IMMP2L: variants seen among roughly 807,000 people sequenced by gnomAD.
IMMP2L encodes the protein mitochondrial inner membrane protease subunit 2.
IMMP2L carries 18 observed loss-of-function variants against 19.3 expected under a neutral mutation model. The observed-to-expected ratio is 0.93, with a 90% CI of 0.64 to 1.38. The LOEUF is 1.38. Among genes scored for constraint, IMMP2L ranks in the 40% most tolerant of loss-of-function variants. The pLI is 0.00. For synonymous variants in IMMP2L, 76 were observed against 73.0 expected, an observed-to-expected ratio of 1.04 and a Z score of -0.21; for missense variants, 233 against 218.2, an observed-to-expected ratio of 1.07 and a Z score of -0.43.
chr7:111,239,995 A>G (rs1814812957), intron 3 of IMMP2L, among the ~76,000 whole-genome samples: 1 of 151,990 alleles, frequency 6.6e-6, no homozygotes, highest in African/African-American at 2.4e-5. Context: ...AATAGATGCT[A>G]AAGTAATAAT....
intron 3 of IMMP2L, among the ~76,000 whole-genome samples, chr7:111,453,336 T>C (rs898158590): frequency 6.6e-6 from 1 of 152,160 alleles, no homozygotes. Context: ...TGTGTACATT[T>C]TCCTTGATGC....
chr7:110,836,215 C>T (rs1804457999), intron 5 of IMMP2L, among the ~76,000 whole-genome samples: 1 of 152,138 alleles, frequency 6.6e-6, no homozygotes, highest in Non-Finnish European at 1.5e-5. Context: ...TCTATCAACC[C>T]ACTCAATTCC....
chr7:111,388,114 A>C (rs1831971516), intron 3 of IMMP2L, among the ~76,000 whole-genome samples: 1 of 152,038 alleles, frequency 6.6e-6, no homozygotes, highest in African/African-American at 2.4e-5. Context: ...CTTTATATCT[A>C]AAAGAAAATA....
intron 3 of IMMP2L, among the ~76,000 whole-genome samples, chr7:111,005,116 C>T (rs902062491): frequency 2.0e-5 from 3 of 152,064 alleles, no homozygotes; most frequent in Admixed American, 1.3e-4. Context: ...AGAGCTTGTG[C>T]CTATATTCCT....
chr7:111,399,860 A>T lies in IMMP2L; in HGVS notation c.239+87378T>A, dbSNP rs1003480497. 7.2e-5 allele frequency among the ~76,000 whole-genome samples: 11 copies of T among 152,264 alleles called. 2 individuals are homozygous for T. The East Asian group carries it at 1.9e-3, about 27-fold the overall frequency. On this transcript the variant is annotated intron_variant, in intron 3 of 5. Coordinates refer to ENST00000405709, the MANE Select transcript of IMMP2L (RefSeq NM_032549.4). ...TCTCCTTGCTTCCCATGCTACCAGC[A>T]CTATAAAGTAAGAGAATCAACAAAA...
At chr7:110,880,495 A>G (rs1277493314) in intron 5 of IMMP2L, among the ~76,000 whole-genome samples, 2 of 152,130 alleles carry the variant, frequency 1.3e-5, no homozygotes, top group Admixed American at 6.6e-5. Context: ...ATAATTACCC[A>G]TCAAATATTT....
chr7:111,051,114 G>A (rs1265857651), intron 3 of IMMP2L, among the ~76,000 whole-genome samples: 2 of 152,150 alleles, frequency 1.3e-5, no homozygotes. Context: ...CTCCAGCCTG[G>A]TCAACAGAGT....
Position 111,322,124 on chromosome 7 carries a change from A to T in IMMP2L, c.239+165114T>A, listed in dbSNP as rs539783811. Among the ~76,000 whole-genome samples the T allele has an allele frequency of 7.9e-5, 12 of 151,972 alleles. 1 individual carries two copies. The highest frequency in any genetic ancestry group is 1.2e-4 in the Non-Finnish European group (8 of 67,930). On this transcript the variant is annotated intron_variant, in intron 3 of 5. Transcript: ENST00000405709. ...GCCAAGAGACATCCCTACAGTAATT[A>T]ATGTAAGATAACAGCTTTGAATTTA...
intron 4 of IMMP2L, among the ~76,000 whole-genome samples, chr7:110,929,543 G>A (rs62464015): frequency 0.11 from 16,387 of 152,062 alleles, 1,472 homozygotes; most frequent in African/African-American, 0.25. Context: ...TTCTGTTCAG[G>A]CTGTTTCTAT....
chr7:110,885,560 C>T (rs1197561811), intron 5 of IMMP2L, among the ~76,000 whole-genome samples: 1 of 151,840 alleles, frequency 6.6e-6, no homozygotes, highest in Non-Finnish European at 1.5e-5. Flanking sequence ...CACAAAATAC[C>T]AGTTTAGTCT....
intron 3 of IMMP2L, among the ~76,000 whole-genome samples, chr7:111,485,617 A>AAAAAAAAAAAAAAAAAAAAC (rs1563252461): frequency 2.0e-5 from 3 of 147,146 alleles, no homozygotes; most frequent in African/African-American, 7.9e-5. Flanking sequence ...AAAAAAAAAA[A>AAAAAAAAAAAAAAAAAAAAC]AAAAAAAACA....
intron 3 of IMMP2L, among the ~76,000 whole-genome samples, chr7:110,966,674 T>G (rs1447647749): frequency 6.6e-6 from 1 of 152,058 alleles, no homozygotes; most frequent in Non-Finnish European, 1.5e-5. Flanking sequence ...TAATGTAATA[T>G]TAAACTCATG....
chr7:111,232,407 A>G (rs1045975555), intron 3 of IMMP2L, among the ~76,000 whole-genome samples: 9 of 149,082 alleles, frequency 6.0e-5, no homozygotes, highest in Non-Finnish European at 1.0e-4. Flanking sequence ...ACATTTAGGT[A>G]TGTGTGAACT....
intron 5 of IMMP2L, among the ~76,000 whole-genome samples, chr7:110,746,605 A>C (rs968593095): frequency 6.6e-6 from 1 of 152,228 alleles, no homozygotes; most frequent in African/African-American, 2.4e-5. Flanking sequence ...AACTCACTCA[A>C]AACTGCACAA....
intron 3 of IMMP2L, among the ~76,000 whole-genome samples, chr7:110,989,055 G>C (rs1375120605): frequency 1.3e-5 from 2 of 152,042 alleles, no homozygotes; most frequent in Non-Finnish European, 2.9e-5. Context: ...GACCAACATG[G>C]AGAAACCTCA....
At chr7:111,023,442 T>C (rs998935528) in intron 3 of IMMP2L, among the ~76,000 whole-genome samples, 4 of 151,944 alleles carry the variant, frequency 2.6e-5, no homozygotes, top group Non-Finnish European at 4.4e-5. Context: ...GGCTCATGCC[T>C]GCAGTCCCAG....
chr7:110,923,777 A>G (rs1208357002), intron 4 of IMMP2L, among the ~76,000 whole-genome samples: 1 of 152,136 alleles, frequency 6.6e-6, no homozygotes, highest in Non-Finnish European at 1.5e-5. Flanking sequence ...CTTTTAAATT[A>G]GAGTATCACT....
At chr7:111,146,665 T>C (rs1026233641) in intron 3 of IMMP2L, among the ~76,000 whole-genome samples, 3 of 152,098 alleles carry the variant, frequency 2.0e-5, no homozygotes, top group African/African-American at 4.8e-5. Flanking sequence ...GTCTGCTCTA[T>C]GCCCCGGGTC....
intron 3 of IMMP2L, among the ~76,000 whole-genome samples, chr7:111,252,118 G>C (rs1816203477): frequency 6.6e-6 from 1 of 151,616 alleles, no homozygotes; most frequent in African/African-American, 2.4e-5. Context: ...TCTCAAAATA[G>C]GTCATTTGGG....
Sources: gnomAD v4.1 joint callset for allele counts (sites outside exome capture counted in the v4.1 genomes callset) on GRCh38, gnomAD v4.1.1 for gene constraint, MANE v1.5 for transcripts, NCBI Gene and HGNC (gene_info 2026-07-23, HGNC 2026-07-21) for gene names.